GFRAL: variants seen among roughly 807,000 people sequenced by gnomAD.
GFRAL encodes GDNF family receptor alpha like, also known as GDNF family receptor alpha-like.
Under a neutral mutation model 45.4 loss-of-function variants are expected in GFRAL, and 36 were observed. The observed-to-expected ratio is 0.79, with a 90% CI of 0.61 to 1.05. GFRAL has a LOEUF of 1.05. GFRAL is among the 50% of genes least tolerant of loss of function. The pLI is 0.00. For synonymous variants in GFRAL, 166 were observed against 154.1 expected (o/e 1.08, Z -0.57); for missense variants, 507 against 467.5 (o/e 1.08, Z -0.78).
rs114640290 is a variant in GFRAL, at chr6:55,400,498, G to A, written c.1121+1057G>A. ...AAATAAAAGACTGGCATGAGAAGGT[G>A]TACGGTGATACCAAGGGGTCAGGTA... On this transcript the variant is annotated intron_variant, in intron 8 of 8. Transcript: ENST00000340465. Among the ~76,000 whole-genome samples, 1,422 of 152,292 alleles carry A rather than the reference G, an allele frequency of 9.3e-3. 18 individuals are homozygous for A. Among genetic ancestry groups the A allele is most frequent in the African/African-American group, 0.033 (1,360 of 41,580 alleles).
intron 6 of GFRAL, among the ~76,000 whole-genome samples, chr6:55,397,665 ACTACTGGT>A (rs1768845260): frequency 6.6e-6 from 1 of 151,696 alleles, no homozygotes; most frequent in African/African-American, 2.4e-5. Context: ...TGGGAGGTTT[ACTACTGGT>A]CTGAAACTCC....
chr6:55,395,175 A>AATATATAT lies in GFRAL; in HGVS notation c.953-3993_953-3986dup, dbSNP rs1234650477. Among the ~76,000 whole-genome samples the AATATATAT allele has an allele frequency of 2.0e-3, 248 of 123,458 alleles. 4 individuals carry two copies. The highest frequency in any genetic ancestry group is 7.1e-3 in the African/African-American group (205 of 28,926). The allele number at this position is 123,458 out of a possible 152,430, so 81.0% of individuals were successfully genotyped here. ...AATCAGCCTATGGAAAAAAAAAAAA[A>AATATATAT]ATATATATATATATATATAAGCCAG... is the stretch of plus-strand genomic sequence containing the variant. On this transcript the variant is annotated intron_variant, in intron 6 of 8. Coordinates refer to ENST00000340465, the MANE Select transcript of GFRAL (RefSeq NM_207410.2).
At chr6:55,355,774 A>G (rs1380125583) in intron 5 of GFRAL, among the ~76,000 whole-genome samples, 1 of 151,926 alleles carries the variant, frequency 6.6e-6, no homozygotes, top group Non-Finnish European at 1.5e-5. Flanking sequence ...AATAGTGATG[A>G]AAGTAGGCAT....
chr6:55,357,013 T>C (rs1332270309), intron 5 of GFRAL, among the ~76,000 whole-genome samples: 1 of 151,926 alleles, frequency 6.6e-6, no homozygotes, highest in Non-Finnish European at 1.5e-5. Context: ...AAAGTTCCTC[T>C]TGTCATTGAT....
At chr6:55,339,051 A>C (rs1767927016) in intron 3 of GFRAL, among the ~76,000 whole-genome samples, 1 of 152,196 alleles carries the variant, frequency 6.6e-6, no homozygotes, top group Admixed American at 6.5e-5. Context: ...GAGGTAATGC[A>C]TGCCTGAACT....
intron 6 of GFRAL, among the ~76,000 whole-genome samples, chr6:55,383,563 G>A (rs1014396640): frequency 2.6e-5 from 4 of 151,936 alleles, no homozygotes; most frequent in African/African-American, 9.7e-5. Flanking sequence ...AGGAGCAACA[G>A]GCTAGACCAT....
chr6:55,363,568 C>T (rs1768308910), intron 6 of GFRAL, among the ~76,000 whole-genome samples: 2 of 101,616 alleles, frequency 2.0e-5, no homozygotes, highest in African/African-American at 4.0e-5. Flanking sequence ...GGTATATCTC[C>T]CGATGCTATC....
chr6:55,354,807 A>G (rs908212979), intron 5 of GFRAL, among the ~76,000 whole-genome samples: 6 of 152,022 alleles, frequency 3.9e-5, no homozygotes, highest in Non-Finnish European at 8.8e-5. Context: ...TTCAGTTTTA[A>G]AATACAATTT....
intron 5 of GFRAL, among the ~76,000 whole-genome samples, chr6:55,356,267 G>T (rs1264563940): frequency 1.3e-5 from 2 of 151,756 alleles, no homozygotes; most frequent in Non-Finnish European, 2.9e-5. Flanking sequence ...CTCCTCTATT[G>T]TTGGAAATAT....
At chr6:55,373,227 G>A (rs148020384) in intron 6 of GFRAL, among the ~76,000 whole-genome samples, 27 of 152,200 alleles carry the variant, frequency 1.8e-4, no homozygotes, top group African/African-American at 4.6e-4. Context: ...AGATATCTGT[G>A]AAGAACCACC....
intron 1 of GFRAL, 133 bp downstream of exon 1, chr6:55,327,709 AACAT>A (rs1767783993): frequency 1.3e-6 from 1 of 787,958 alleles, no homozygotes; most frequent in African/African-American, 1.7e-5. Flanking sequence ...TTTATGCTTT[AACAT>A]GGTTTATTCT....
chr6:55,401,763 G>A (rs765296827), intron 8 of GFRAL, 27 bp from the exon 9 acceptor site: 3 of 1,294,934 alleles, frequency 2.3e-6, no homozygotes. Context: ...ATGGCATGTT[G>A]TTAACTTTTA....
At chr6:55,370,482 C>T (rs1768435952) in intron 6 of GFRAL, among the ~76,000 whole-genome samples, 1 of 152,100 alleles carries the variant, frequency 6.6e-6, no homozygotes, top group Non-Finnish European at 1.5e-5. Flanking sequence ...TATTCTATTG[C>T]AAATACATCT....
chr6:55,376,980 C>T (rs1768543429), intron 6 of GFRAL, among the ~76,000 whole-genome samples: 1 of 151,768 alleles, frequency 6.6e-6, no homozygotes, highest in Non-Finnish European at 1.5e-5. Context: ...ATTTTAATGC[C>T]TCTAATCTTT....
chr6:55,393,161 A>C (rs1768776707), intron 6 of GFRAL, among the ~76,000 whole-genome samples: 1 of 152,206 alleles, frequency 6.6e-6, no homozygotes, highest in Admixed American at 6.5e-5. Context: ...TTGCCATTTA[A>C]TCACATATAT....
chr6:55,371,871 T>G (rs540032669), intron 6 of GFRAL, among the ~76,000 whole-genome samples: 1 of 152,292 alleles, frequency 6.6e-6, no homozygotes, highest in African/African-American at 2.4e-5. Context: ...TAAACCCAAC[T>G]TATTCATTAG....
intron 6 of GFRAL, among the ~76,000 whole-genome samples, chr6:55,383,638 C>T (rs1231614699): frequency 6.6e-6 from 1 of 151,984 alleles, no homozygotes; most frequent in Non-Finnish European, 1.5e-5. Flanking sequence ...ATTTGCACAA[C>T]AAAATCTCCT....
intron 6 of GFRAL, among the ~76,000 whole-genome samples, chr6:55,381,880 A>C (rs769346339): frequency 6.6e-6 from 1 of 151,918 alleles, no homozygotes; most frequent in Non-Finnish European, 1.5e-5. Context: ...ATACACGTAT[A>C]CATAAATGCA....
At chr6:55,382,652 G>A (rs1768626565) in intron 6 of GFRAL, among the ~76,000 whole-genome samples, 1 of 151,886 alleles carries the variant, frequency 6.6e-6, no homozygotes, top group Admixed American at 6.6e-5. Context: ...TTCTGTGCTT[G>A]GAAATGTAAA....
Sources: allele counts gnomAD v4.1 joint callset (sites outside exome capture counted in the v4.1 genomes callset), GRCh38; gene constraint gnomAD v4.1.1; transcripts MANE v1.5; gene names NCBI Gene and HGNC (gene_info 2026-07-23, HGNC 2026-07-21).